FAM161B: variants seen among roughly 807,000 people sequenced by gnomAD.
FAM161B encodes the protein FAM161 centrosomal protein B.
A neutral mutation model predicts 61.5 loss-of-function variants in FAM161B; 46 were observed. That is an observed-to-expected ratio of 0.75 (90% CI 0.59 to 0.96). The LOEUF (loss-of-function observed/expected upper bound fraction) is 0.96, where lower values mean the gene tolerates loss of function less well. FAM161B is among the 40% of genes least tolerant of loss of function. The pLI is 0.00. For missense variants in FAM161B, 774 were observed against 800.7 expected (o/e 0.97, Z 0.40); for synonymous variants, 284 against 302.7 (o/e 0.94, Z 0.64).
intron 2 of FAM161B, 86 bp from the exon 3 acceptor site, chr14:73,944,971 C>T: frequency 1.7e-6 from 2 of 1,172,102 alleles, no homozygotes; most frequent in Non-Finnish European, 2.3e-6. Flanking sequence ...TCCTCCCTTC[C>T]CACTGGTCAC....
intron 1 of FAM161B, among the ~76,000 whole-genome samples, chr14:73,949,374 C>T (rs970461367): frequency 3.9e-5 from 6 of 152,034 alleles, no homozygotes; most frequent in Admixed American, 2.6e-4. Flanking sequence ...AGTAAGCCAC[C>T]GCACCCGGCC....
intron 7 of FAM161B, among the ~76,000 whole-genome samples, chr14:73,936,876 G>A (rs917245735): frequency 3.0e-4 from 46 of 152,136 alleles, no homozygotes; most frequent in Non-Finnish European, 8.8e-5. Context: ...GTCTGAAACT[G>A]GAGAGGAAAG....
the FAM161B span, among the ~76,000 whole-genome samples, chr14:73,924,085 T>C: frequency 6.6e-6 from 1 of 152,234 alleles, no homozygotes; most frequent in Non-Finnish European, 1.5e-5. Flanking sequence ...CTTAACCAAA[T>C]GGGCATATAC....
intron 4 of FAM161B, among the ~76,000 whole-genome samples, chr14:73,942,105 C>T (rs1353465111): frequency 6.6e-6 from 1 of 152,170 alleles, no homozygotes; most frequent in Non-Finnish European, 1.5e-5. Flanking sequence ...GTCCTCCCAC[C>T]TCAGCCTCCT....
intron 3 of FAM161B, 23 bp downstream of exon 3, chr14:73,944,312 C>G: frequency 6.5e-7 from 1 of 1,547,550 alleles, no homozygotes; most frequent in Non-Finnish European, 8.7e-7. Context: ...CAGGAGGCAG[C>G]AAGGTGGCAA....
At chr14:73,931,639 C>A (rs1594773080), downstream of FAM161B, 1 of 1,126,938 alleles carries the variant, frequency 8.9e-7, no homozygotes, top group East Asian at 2.4e-5. Flanking sequence ...CAGAATGAAT[C>A]TTTGAAGGCA....
downstream of FAM161B, among the ~76,000 whole-genome samples, chr14:73,930,662 G>C (rs1412333132): frequency 6.6e-6 from 1 of 151,318 alleles, no homozygotes; most frequent in Admixed American, 6.6e-5. Context: ...CAGTGCAGTG[G>C]CATGATCATA....
chr14:73,949,599 T>C (rs531091803), intron 1 of FAM161B, among the ~76,000 whole-genome samples: 2 of 151,584 alleles, frequency 1.3e-5, no homozygotes, highest in South Asian at 2.1e-4. Context: ...CCTCAGGTGA[T>C]CCACCCGCCT....
downstream of FAM161B, among the ~76,000 whole-genome samples, chr14:73,929,110 T>G (rs549321710): frequency 6.6e-6 from 1 of 152,378 alleles, no homozygotes; most frequent in South Asian, 2.1e-4. Flanking sequence ...CATGGGTTTT[T>G]GTATATTTAC....
chr14:73,923,210 C>T, the FAM161B span, among the ~76,000 whole-genome samples: 21 of 152,266 alleles, frequency 1.4e-4, no homozygotes, highest in African/African-American at 5.1e-4. Flanking sequence ...CCTTTCTATT[C>T]TCTTTTTATA....
downstream of FAM161B, among the ~76,000 whole-genome samples, chr14:73,928,454 T>C (rs749833408): frequency 1.4e-4 from 21 of 152,278 alleles, no homozygotes; most frequent in Non-Finnish European, 3.1e-4. Flanking sequence ...GATTTTATCC[T>C]GGGGGCACTG....
chr14:73,929,663 C>T (rs866598288), downstream of FAM161B, among the ~76,000 whole-genome samples: 1 of 151,726 alleles, frequency 6.6e-6, no homozygotes, highest in African/African-American at 2.4e-5. Flanking sequence ...ACAGGAAAAC[C>T]CCATGTCTAC....
At position 73,946,478 on chromosome 14, in the gene FAM161B, G is replaced by A. The variant is rs545937255; in HGVS notation, c.182C>T (p.Ser61Phe). 1.9e-6 allele frequency: 3 copies of A among 1,614,188 alleles called. No homozygotes were observed. The highest frequency in any genetic ancestry group is 2.5e-6 in the Non-Finnish European group (3 of 1,180,036). ...LSPEEEIDST[S>F]DSTGSIYQNL... ...CTGGTAAATGCTCCCAGTTGAGTCAGAAGTAGAATCTATCTCCTCCTCTGG... is the reference window on the plus strand; with the variant it reads ...CTGGTAAATGCTCCCAGTTGAGTCAAAAGTAGAATCTATCTCCTCCTCTGG... Residue 61 changes from serine (S) to phenylalanine (F), a missense_variant, in exon 2 of 9, where the codon TCT (serine) becomes TTT (phenylalanine). By Grantham distance (155) the Ser-to-Phe change is radical. Coordinates refer to ENST00000286544, the MANE Select transcript of FAM161B (RefSeq NM_152445.3).
At chr14:73,924,297 T>C in the FAM161B span, among the ~76,000 whole-genome samples, 3 of 152,200 alleles carry the variant, frequency 2.0e-5, no homozygotes, top group African/African-American at 7.2e-5. Context: ...GCTGCTGATC[T>C]GACAGGAGAG....
chr14:73,944,436 C>T lies in FAM161B; in HGVS notation c.824G>A (p.Arg275Lys). 1 of 1,613,364 alleles carries T rather than the reference C, an allele frequency of 6.2e-7. No individual in the cohort carries two copies. Among genetic ancestry groups the T allele is most frequent in the Non-Finnish European group, 8.5e-7 (1 of 1,179,378 alleles). The stretch of plus-strand genomic sequence containing the variant: ...GGCTTCAGCTGTGGCTGCCAAGTCT[C>T]TCTGTCGAGCAGCTTCCTTTAGCTG... ...EEQLKEAARQRDLAATAEAKI... is the reference protein window; with the variant it reads ...EEQLKEAARQKDLAATAEAKI... Residue 275 changes from arginine to lysine, a missense_variant, in exon 3 of 9, where the codon AGA (arginine) becomes AAA (lysine). By Grantham distance (26) the Arg-to-Lys change is conservative. Transcript: ENST00000286544.
downstream of FAM161B, chr14:73,931,770 C>G (rs1232284909): frequency 5.6e-6 from 3 of 535,170 alleles, no homozygotes; most frequent in Non-Finnish European, 1.0e-5. Context: ...GGCTGGGAAA[C>G]TGTACCTACC....
At chr14:73,944,910 T>C in intron 2 of FAM161B, 25 bp from the exon 3 acceptor site, 1 of 1,495,678 alleles carries the variant, frequency 6.7e-7, no homozygotes, top group Non-Finnish European at 8.9e-7. Flanking sequence ...GATCTGTGAG[T>C]GGAGGACAGG....
At chr14:73,927,485 A>ATTAT (rs1363519050), downstream of FAM161B, among the ~76,000 whole-genome samples, 8 of 152,294 alleles carry the variant, frequency 5.3e-5, no homozygotes, top group Middle Eastern at 3.4e-3. Context: ...CCTAGTACAC[A>ATTAT]TTATTATTCG....
chr14:73,931,875 C>T (rs2055921139), downstream of FAM161B: 1 of 445,722 alleles, frequency 2.2e-6, no homozygotes, highest in African/African-American at 2.0e-5. Flanking sequence ...GGGAGGTTTT[C>T]CTTTGAAGAG....
Sources: allele counts gnomAD v4.1 joint callset (sites outside exome capture counted in the v4.1 genomes callset), GRCh38; gene constraint gnomAD v4.1.1; transcripts MANE v1.5; gene names NCBI Gene and HGNC (gene_info 2026-07-23, HGNC 2026-07-21).